The following NTM variants were observed in gnomAD, a reference collection of about 807,000 sequenced individuals.
NTM encodes IgLON family member 2.
Under a neutral mutation model 42.1 loss-of-function variants are expected in NTM, and 13 were observed. The ratio of observed to expected loss-of-function variants is 0.31; its 90% confidence interval spans 0.20 to 0.49. NTM has a LOEUF of 0.49. Among genes scored for constraint, NTM ranks in the 20% least tolerant of loss-of-function variants. The pLI is 0.99. For synonymous variants in NTM, 187 were observed against 179.2 expected, an observed-to-expected ratio of 1.04 and a Z score of -0.35; for missense variants, 373 against 452.8, an observed-to-expected ratio of 0.82 and a Z score of 1.60.
chr11:131,721,244 C>T (rs1388657959), intron 1 of NTM, among the ~76,000 whole-genome samples: 1 of 152,040 alleles, frequency 6.6e-6, no homozygotes, highest in Non-Finnish European at 1.5e-5. Flanking sequence ...TTTCTCTTTC[C>T]TTTATGTTAC....
intron 2 of NTM, among the ~76,000 whole-genome samples, chr11:132,032,575 CTG>C (rs1485611827): frequency 6.6e-6 from 1 of 152,182 alleles, no homozygotes; most frequent in African/African-American, 2.4e-5. Flanking sequence ...CGCTCTTCCT[CTG>C]TGTCTTAGTG....
chr11:131,800,959 C>T (rs753170538), intron 1 of NTM, among the ~76,000 whole-genome samples: 1 of 152,110 alleles, frequency 6.6e-6, no homozygotes, highest in Non-Finnish European at 1.5e-5. Context: ...TGCTCTCCAA[C>T]CTTGGAATTT....
At chr11:132,266,991 C>A (rs10894526) in intron 4 of NTM, among the ~76,000 whole-genome samples, 1 of 151,974 alleles carries the variant, frequency 6.6e-6, no homozygotes, top group Non-Finnish European at 1.5e-5. Context: ...CAAATCATGA[C>A]GGAAATAACC....
chr11:132,295,191 A>T (rs949805352), intron 4 of NTM, among the ~76,000 whole-genome samples: 2 of 152,124 alleles, frequency 1.3e-5, no homozygotes, highest in Non-Finnish European at 2.9e-5. Context: ...CTTAAAAAAT[A>T]TACCCACTGT....
At chr11:132,060,282 G>T (rs568905349) in intron 2 of NTM, among the ~76,000 whole-genome samples, 259 of 152,340 alleles carry the variant, frequency 1.7e-3, no homozygotes, top group African/African-American at 6.1e-3. Context: ...TAGGGAACGG[G>T]CAATGAAATT....
intron 6 of NTM, 87 bp downstream of exon 6, chr11:132,310,319 G>T: frequency 1.5e-6 from 2 of 1,367,460 alleles, no homozygotes; most frequent in Non-Finnish European, 2.0e-6. Context: ...TGTTGCAAAC[G>T]AGTTCTATAA....
chr11:131,680,809 G>C (rs1321456495), intron 1 of NTM, among the ~76,000 whole-genome samples: 41 of 5,724 alleles, frequency 7.2e-3, no homozygotes, highest in African/African-American at 0.022. Flanking sequence ...GTGTGTGTGT[G>C]TGTATGTGAG....
chr11:131,460,842 C>T (rs1951310884), intron 1 of NTM, among the ~76,000 whole-genome samples: 1 of 152,158 alleles, frequency 6.6e-6, no homozygotes, highest in African/African-American at 2.4e-5. Flanking sequence ...GCGTGAACCA[C>T]CGCGCCCTGC....
At chr11:132,134,547 G>T (rs6590624) in intron 2 of NTM, among the ~76,000 whole-genome samples, 1 of 149,724 alleles carries the variant, frequency 6.7e-6, no homozygotes. Flanking sequence ...TCATGGCTTG[G>T]CTCCTATATA....
intron 1 of NTM, among the ~76,000 whole-genome samples, chr11:131,498,830 C>A (rs1467400856): frequency 1.3e-5 from 2 of 152,220 alleles, no homozygotes; most frequent in African/African-American, 4.8e-5. Context: ...CTTGCTTGCC[C>A]TCTCCTGGAG....
chr11:131,725,503 G>A (rs1428819885), intron 1 of NTM, among the ~76,000 whole-genome samples: 1 of 152,072 alleles, frequency 6.6e-6, no homozygotes, highest in Non-Finnish European at 1.5e-5. Flanking sequence ...GAGGGAATGA[G>A]CCATGTCGAC....
intron 1 of NTM, among the ~76,000 whole-genome samples, chr11:131,851,532 C>CGCGCGTGTGTGTGTGT (rs147213224): frequency 6.8e-6 from 1 of 146,702 alleles, no homozygotes; most frequent in Non-Finnish European, 1.5e-5. Flanking sequence ...GTGAGAATGG[C>CGCGCGTGTGTGTGTGT]GTGTGTGTGT....
chr11:132,009,395 C>A (rs2135401878), intron 2 of NTM, among the ~76,000 whole-genome samples: 1 of 152,206 alleles, frequency 6.6e-6, no homozygotes, highest in Admixed American at 6.5e-5. Flanking sequence ...TATGTATGTG[C>A]CGATGTAAAG....
chr11:131,488,067 A>G (rs1055401404), intron 1 of NTM, among the ~76,000 whole-genome samples: 1 of 152,194 alleles, frequency 6.6e-6, no homozygotes. Flanking sequence ...TAAAAGAGCC[A>G]CTGCCTTCCT....
chr11:131,679,919 C>G (rs2072135365), intron 1 of NTM, among the ~76,000 whole-genome samples: 1 of 152,202 alleles, frequency 6.6e-6, no homozygotes, highest in African/African-American at 2.4e-5. Flanking sequence ...GTTTGACTAA[C>G]TCCTTTTTTG....
chr11:132,244,824 C>T (rs971038811), intron 4 of NTM, among the ~76,000 whole-genome samples: 3 of 152,224 alleles, frequency 2.0e-5, no homozygotes, highest in Non-Finnish European at 4.4e-5. Flanking sequence ...CACCGGCTCA[C>T]TGCACAGATT....
At chr11:131,938,947 A>G (rs2059513779) in intron 2 of NTM, among the ~76,000 whole-genome samples, 1 of 152,064 alleles carries the variant, frequency 6.6e-6, no homozygotes, top group Non-Finnish European at 1.5e-5. Context: ...GAGCAAGAGG[A>G]CCCTTAGATA....
chr11:131,945,322 G>A (rs1774940351), intron 2 of NTM, among the ~76,000 whole-genome samples: 1 of 152,174 alleles, frequency 6.6e-6, no homozygotes, highest in African/African-American at 2.4e-5. Flanking sequence ...CAGGAAGTGA[G>A]ATGCCTGAAC....
intron 1 of NTM, among the ~76,000 whole-genome samples, chr11:131,800,565 A>G (rs1266819869): frequency 6.6e-6 from 1 of 152,186 alleles, no homozygotes; most frequent in Non-Finnish European, 1.5e-5. Context: ...GCTTTTAATC[A>G]TTGGTTCCCC....
Sources: allele counts gnomAD v4.1 joint callset (sites outside exome capture counted in the v4.1 genomes callset), GRCh38; gene constraint gnomAD v4.1.1; transcripts MANE v1.5; gene names NCBI Gene and HGNC (gene_info 2026-07-23, HGNC 2026-07-21).